ACMSD: variants seen among roughly 807,000 people sequenced by gnomAD.
The protein encoded by ACMSD is aminocarboxymuconate semialdehyde decarboxylase, also known as 2-amino-3-carboxymuconate-6-semialdehyde decarboxylase.
A neutral mutation model predicts 45.9 loss-of-function variants in ACMSD; 37 were observed. The ratio of observed to expected loss-of-function variants is 0.81; its 90% CI spans 0.62 to 1.06. The LOEUF (loss-of-function observed/expected upper bound fraction) is 1.06. Among genes scored for constraint, ACMSD ranks in the 50% least tolerant of loss-of-function variants. ACMSD has a pLI of 0.00. For synonymous variants in ACMSD, 138 were observed against 148.8 expected, an observed-to-expected ratio of 0.93 and a Z score of 0.53; for missense variants, 434 against 420.9, an observed-to-expected ratio of 1.03 and a Z score of -0.27.
chr2:134,859,336 A>G lies in ACMSD; in HGVS notation c.178A>G (p.Ile60Val). Residue 60 changes from isoleucine to valine, a missense_variant, in exon 3 of 10, where the codon ATT (isoleucine) becomes GTT (valine). Transcript: ENST00000356140. ...GAATTGCTGGGATCCAGAAGTTCGTATTAGAGAAATGGACCAAAAAGGTAC... is the reference window on the plus strand; with the variant it reads ...GAATTGCTGGGATCCAGAAGTTCGTGTTAGAGAAATGGACCAAAAAGGTAC... ...RENCWDPEVRIREMDQKGVTV... is the reference protein window; with the variant it reads ...RENCWDPEVRVREMDQKGVTV... 6.2e-7 allele frequency: 1 copy of G among 1,614,094 alleles called. No homozygotes were observed. The highest frequency in any genetic ancestry group is 8.5e-7 in the Non-Finnish European group (1 of 1,179,976).
intron 8 of ACMSD, among the ~76,000 whole-genome samples, chr2:134,893,270 C>T (rs1245650788): frequency 6.7e-6 from 1 of 148,856 alleles, no homozygotes; most frequent in African/African-American, 2.5e-5. Context: ...ATAATCATAG[C>T]TCACTGCAGC....
rs56946830 is a variant in ACMSD, at chr2:134,871,511, GT to G, written c.676+463del. Among the ~76,000 whole-genome samples, 215 of 145,614 alleles carry G rather than the reference GT, an allele frequency of 1.5e-3. 2 individuals carry two copies. Among genetic ancestry groups the G allele is most frequent in the South Asian group, 0.011 (52 of 4,606 alleles). On this transcript the variant is annotated intron_variant, in intron 7 of 9. Coordinates refer to ENST00000356140, the MANE Select transcript of ACMSD (RefSeq NM_138326.3). ...TGTAGGCAAGTTTAGTTTTGTCATT[GT>G]TTTTTTTTTTTCTGTTTTTTTTATT... is the stretch of plus-strand genomic sequence containing the variant.
intron 8 of ACMSD, among the ~76,000 whole-genome samples, chr2:134,891,476 T>G (rs905138347): frequency 3.9e-5 from 6 of 152,094 alleles, no homozygotes; most frequent in Admixed American, 3.3e-4. Flanking sequence ...CCAACAAATA[T>G]GTGAAAAAAT....
intron 8 of ACMSD, among the ~76,000 whole-genome samples, chr2:134,897,626 C>T (rs1280729268): frequency 6.6e-6 from 1 of 151,972 alleles, no homozygotes; most frequent in African/African-American, 2.4e-5. Context: ...ATATCTTTCT[C>T]ACTTGATTAT....
At chr2:134,891,230 T>C (rs752446085) in intron 8 of ACMSD, among the ~76,000 whole-genome samples, 3 of 152,068 alleles carry the variant, frequency 2.0e-5, no homozygotes, top group Non-Finnish European at 4.4e-5. Flanking sequence ...CCAGGAGAGT[T>C]TTCCCTAAGT....
intron 8 of ACMSD, among the ~76,000 whole-genome samples, chr2:134,893,994 C>T (rs1689947010): frequency 6.6e-6 from 1 of 152,050 alleles, no homozygotes. Flanking sequence ...AAATTTATAG[C>T]TGTAAATGCC....
chr2:134,862,088 A>G, intron 4 of ACMSD, 70 bp downstream of exon 4: 1 of 1,567,714 alleles, frequency 6.4e-7, no homozygotes, highest in Non-Finnish European at 8.8e-7. Flanking sequence ...AAGTGAACAG[A>G]TGCCTCAAGT....
At chr2:134,858,044 G>A (rs1687663435) in intron 2 of ACMSD, among the ~76,000 whole-genome samples, 1 of 151,988 alleles carries the variant, frequency 6.6e-6, no homozygotes, top group Non-Finnish European at 1.5e-5. Flanking sequence ...ATATGCAGAG[G>A]AAATGAAACC....
intron 6 of ACMSD, among the ~76,000 whole-genome samples, chr2:134,868,472 A>C (rs1350499409): frequency 1.4e-5 from 1 of 71,390 alleles, no homozygotes; most frequent in Admixed American, 1.9e-4. Flanking sequence ...TTTTTTTTTG[A>C]GACAAGGTCT....
chr2:134,885,231 CATATGTAAATATATATTTATATATAATAT>C (rs1559064324), intron 8 of ACMSD, among the ~76,000 whole-genome samples: 1 of 116,994 alleles, frequency 8.5e-6, no homozygotes, highest in Non-Finnish European at 1.6e-5. Context: ...ATATATAATA[CATATGTAAATATATATTTATATATAATAT>C]ATATATAAAT....
intron 8 of ACMSD, among the ~76,000 whole-genome samples, chr2:134,885,361 C>CATATATAATATATAATATATATGTAA (rs1689330686): frequency 1.0e-5 from 1 of 95,736 alleles, no homozygotes. Context: ...TATATATTTA[C>CATATATAATATATAATATATATGTAA]ATATATATTA....
chr2:134,859,275 G>T lies in ACMSD; in HGVS notation c.117G>T (p.Leu39Phe), dbSNP rs539329795. 8.1e-6 allele frequency: 13 copies of T among 1,614,062 alleles called. No homozygotes were observed. The East Asian group carries it at 2.5e-4, about 30-fold the overall frequency. The change falls in exon 3 of 10, where the codon TTG becomes TTT. Residue 39 changes from leucine to phenylalanine, a missense_variant. Physicochemically the swap from Leu to Phe is conservative, Grantham distance 22. Coordinates refer to ENST00000356140, the MANE Select transcript of ACMSD (RefSeq NM_138326.3). ...LQHHSKGEAK[L>F]LKDGKVFRVV... ...TTCTGCCCCAGGGAGAAGCAAAGTT[G>T]TTGAAAGATGGGAAAGTCTTCAGAG...
At chr2:134,879,381 C>T (rs1688916561) in intron 8 of ACMSD, among the ~76,000 whole-genome samples, 1 of 152,186 alleles carries the variant, frequency 6.6e-6, no homozygotes, top group African/African-American at 2.4e-5. Context: ...TTTTATTATT[C>T]TCAAAGTCCT....
intron 1 of ACMSD, among the ~76,000 whole-genome samples, chr2:134,840,446 C>G (rs1686754739): frequency 6.6e-6 from 1 of 152,110 alleles, no homozygotes; most frequent in Non-Finnish European, 1.5e-5. Context: ...CCCCAAAATT[C>G]AGGTGAAACC....
At chr2:134,863,328 T>C (rs2104857196) in intron 4 of ACMSD, 67 bp from the exon 5 acceptor site, 2 of 1,452,370 alleles carry the variant, frequency 1.4e-6, no homozygotes, top group South Asian at 1.2e-5. Context: ...GGAGGCACTG[T>C]TCAGAGTGAA....
intron 9 of ACMSD, among the ~76,000 whole-genome samples, chr2:134,899,391 T>C (rs1351595435): frequency 2.0e-5 from 3 of 152,140 alleles, no homozygotes; most frequent in Non-Finnish European, 4.4e-5. Flanking sequence ...ACTAAAAGTC[T>C]TGAACTGTTA....
At chr2:134,850,534 C>G (rs1281134735) in intron 2 of ACMSD, among the ~76,000 whole-genome samples, 1 of 152,140 alleles carries the variant, frequency 6.6e-6, no homozygotes, top group Non-Finnish European at 1.5e-5. Context: ...CCCCAGAGTG[C>G]TAGGATTATA....
At chr2:134,865,530 C>A (rs1273631197) in intron 5 of ACMSD, among the ~76,000 whole-genome samples, 1 of 152,224 alleles carries the variant, frequency 6.6e-6, no homozygotes, top group Non-Finnish European at 1.5e-5. Context: ...GACATCCAGT[C>A]TCTGAAGGGA....
rs753561448 is a variant in ACMSD at position 134,863,427 on chromosome 2, G to C, written c.282G>C (p.Gln94His). 25 of 1,614,090 alleles carry C rather than the reference G, an allele frequency of 1.5e-5. No individual in the cohort carries two copies. In the African/African-American group the frequency reaches 3.2e-4, roughly 21 times the overall value. Reference protein sequence around the residue: ...AKPEDTLNLCQLLNNDLASTV... With the variant: ...AKPEDTLNLCHLLNNDLASTV... ...CTGAGGACACTTTAAACCTGTGCCA[G>C]CTTTTAAACAACGACCTTGCCAGCA... is the stretch of plus-strand genomic sequence containing the variant. Residue 94 changes from glutamine (Q) to histidine (H), a missense_variant, in exon 5 of 10, where the codon CAG (glutamine) becomes CAC (histidine). Gln to His is a conservative substitution (Grantham distance 24). Transcript: ENST00000356140.
Sources: gnomAD v4.1 joint callset for allele counts (sites outside exome capture counted in the v4.1 genomes callset) on GRCh38, gnomAD v4.1.1 for gene constraint, MANE v1.5 for transcripts, NCBI Gene and HGNC (gene_info 2026-07-23, HGNC 2026-07-21) for gene names.